Variants in ARHGEF3 observed in about 807,000 individuals in gnomAD.
ARHGEF3 encodes the protein 59.8 kDA protein.
In ARHGEF3, 28 loss-of-function variants were observed where a neutral mutation model predicts 63.2. The ratio of observed to expected loss-of-function variants is 0.44; its 90% CI spans 0.33 to 0.61. ARHGEF3 has a LOEUF of 0.61. Among genes scored for constraint, ARHGEF3 ranks in the 20% least tolerant of loss-of-function variants. ARHGEF3 has a pLI of 0.03. For missense variants in ARHGEF3, 533 were observed against 659.3 expected, an observed-to-expected ratio of 0.81 and a Z score of 2.10; for synonymous variants, 266 against 254.2, an observed-to-expected ratio of 1.05 and a Z score of -0.44.
chr3:56,916,242 C>A, intron 3 of ARHGEF3: 1 of 1,509,416 alleles, frequency 6.6e-7, no homozygotes. Context: ...GATCCTGGCA[C>A]CACCCCACCC....
chr3:56,944,154 C>T (rs917346430), intron 3 of ARHGEF3, among the ~76,000 whole-genome samples: 4 of 152,142 alleles, frequency 2.6e-5, no homozygotes, highest in Non-Finnish European at 5.9e-5. Flanking sequence ...GCATGGATGA[C>T]AGAGCGAGAT....
chr3:56,844,381 T>C (rs1377714089), intron 4 of ARHGEF3, among the ~76,000 whole-genome samples: 1 of 152,194 alleles, frequency 6.6e-6, no homozygotes, highest in Non-Finnish European at 1.5e-5. Flanking sequence ...ATAAACAGAA[T>C]GCTTGAAATT....
rs202101662 is a variant in ARHGEF3 at position 56,968,333 on chromosome 3, TA to T, written c.63-9445del. ...ATATAAAATATATTTTATATATATA[TA>T]ATATATAATATATATATTTTTTGAG... On this transcript the variant is annotated intron_variant, in intron 2 of 12. Transcript: ENST00000338458. Among the ~76,000 whole-genome samples, 170 of 47,392 alleles carry T rather than the reference TA, an allele frequency of 3.6e-3. 8 individuals carry two copies. Among genetic ancestry groups the T allele is most frequent in the Middle Eastern group, 0.015 (2 of 134 alleles). 31.1% of individuals were successfully genotyped at this position (47,392 alleles called of 152,430 possible).
chr3:56,741,661 G>A (rs1049826433), intron 7 of ARHGEF3, among the ~76,000 whole-genome samples: 4 of 151,582 alleles, frequency 2.6e-5, no homozygotes, highest in South Asian at 4.2e-4. Context: ...CTGCCACCAC[G>A]CCCAGCTAAT....
At chr3:56,914,020 T>G (rs2041922940) in intron 3 of ARHGEF3, among the ~76,000 whole-genome samples, 3 of 152,096 alleles carry the variant, frequency 2.0e-5, no homozygotes. Context: ...GTGAAGTAAC[T>G]CAGGAATGGA....
At chr3:56,734,951 C>T (rs1467692865) in intron 8 of ARHGEF3, among the ~76,000 whole-genome samples, 1 of 152,100 alleles carries the variant, frequency 6.6e-6, no homozygotes, top group Non-Finnish European at 1.5e-5. Flanking sequence ...AATCAATCTT[C>T]TAGCCAAGGT....
chr3:57,054,898 C>A (rs547069080), intron 1 of ARHGEF3, among the ~76,000 whole-genome samples: 1 of 151,794 alleles, frequency 6.6e-6, no homozygotes, highest in East Asian at 2.0e-4. Flanking sequence ...ATCTGCCCAC[C>A]CTGGCCTCCC....
At chr3:56,751,609 C>A (rs923640185) in intron 4 of ARHGEF3, among the ~76,000 whole-genome samples, 6 of 152,118 alleles carry the variant, frequency 3.9e-5, no homozygotes, top group African/African-American at 1.4e-4. Context: ...TAAACCAAAG[C>A]AGATTTTTCA....
rs560373179 is a variant in ARHGEF3, at chr3:57,069,072, A to C, written c.-28+10154T>G. ...CTAGTAACTGGGATTACAGGCACTC[A>C]CCACCACGTCTGGATAATTTTTGTA... On this transcript the variant is annotated intron_variant, in intron 1 of 12. Coordinates refer to the ARHGEF3 transcript ENST00000338458. Among the ~76,000 whole-genome samples the C allele has an allele frequency of 5.9e-5, 9 of 152,020 alleles. No individual in the cohort carries two copies. In the South Asian group the frequency reaches 1.5e-3, roughly 25 times the overall value.
chr3:56,790,943 G>A (rs1004972889), intron 1 of ARHGEF3, among the ~76,000 whole-genome samples: 13 of 151,474 alleles, frequency 8.6e-5, no homozygotes, highest in Non-Finnish European at 1.6e-4. Flanking sequence ...TTTTTTCAAG[G>A]TTCTGACATA....
At chr3:56,797,688 A>G (rs1223133636) in intron 1 of ARHGEF3, among the ~76,000 whole-genome samples, 1 of 152,244 alleles carries the variant, frequency 6.6e-6, no homozygotes, top group African/African-American at 2.4e-5. Flanking sequence ...TTTAAAATGC[A>G]CATGTTGACT....
chr3:56,882,508 C>CTTT (rs397989726), intron 3 of ARHGEF3, among the ~76,000 whole-genome samples: 181 of 84,336 alleles, frequency 2.1e-3, no homozygotes, highest in East Asian at 5.1e-3. Context: ...ATGAACACTT[C>CTTT]TTTTTTTTTT....
intron 2 of ARHGEF3, among the ~76,000 whole-genome samples, chr3:56,966,253 G>A (rs1426218479): frequency 1.3e-5 from 2 of 152,184 alleles, no homozygotes; most frequent in Non-Finnish European, 2.9e-5. Flanking sequence ...AATGTTGGAT[G>A]TATAGTGGGT....
At chr3:56,866,101 G>A (rs1429180870) in intron 4 of ARHGEF3, among the ~76,000 whole-genome samples, 1 of 152,170 alleles carries the variant, frequency 6.6e-6, no homozygotes, top group Non-Finnish European at 1.5e-5. Context: ...GAAGGTCAAG[G>A]CTGAGGTGAG....
At chr3:57,022,139 T>C (rs1228446717) in intron 2 of ARHGEF3, among the ~76,000 whole-genome samples, 2 of 152,066 alleles carry the variant, frequency 1.3e-5, no homozygotes, top group Non-Finnish European at 2.9e-5. Flanking sequence ...CCGGGCACGG[T>C]GGCATGTGTC....
At chr3:56,940,771 T>C (rs1366464424) in intron 3 of ARHGEF3, 3 of 152,166 alleles carry the variant, frequency 2.0e-5, no homozygotes, top group East Asian at 3.8e-4. Context: ...CCTAGTTATA[T>C]GGAGCTAATA....
chr3:56,897,444 T>G (rs2041339442), intron 3 of ARHGEF3, among the ~76,000 whole-genome samples: 3 of 152,204 alleles, frequency 2.0e-5, no homozygotes, highest in African/African-American at 7.2e-5. Context: ...GTTATGTTTT[T>G]GCTACGGGGG....
chr3:56,854,064 A>G (rs1232395050), intron 4 of ARHGEF3, among the ~76,000 whole-genome samples: 3 of 152,252 alleles, frequency 2.0e-5, no homozygotes, highest in Non-Finnish European at 2.9e-5. Flanking sequence ...GTGTGGTGGC[A>G]GGCGCCTGCA....
intron 2 of ARHGEF3, among the ~76,000 whole-genome samples, chr3:56,987,976 G>A (rs1701607749): frequency 6.6e-6 from 1 of 152,212 alleles, no homozygotes; most frequent in African/African-American, 2.4e-5. Flanking sequence ...ACAAATGGGT[G>A]ACAGACAGGT....
Sources: gnomAD v4.1 joint callset for allele counts (sites outside exome capture counted in the v4.1 genomes callset) on GRCh38, gnomAD v4.1.1 for gene constraint, MANE v1.5 for transcripts, NCBI Gene and HGNC (gene_info 2026-07-23, HGNC 2026-07-21) for gene names.